SHC4: variants seen among roughly 807,000 people sequenced by gnomAD.
SHC4 encodes SHC-transforming protein 4.
SHC4 carries 41 observed loss-of-function variants against 69.4 expected under a neutral mutation model. That is an observed-to-expected ratio of 0.59 (90% CI 0.46 to 0.77). SHC4 has a LOEUF of 0.77. Ranked by LOEUF, SHC4 falls within the 30% of genes least tolerant of loss-of-function variation. The pLI, the probability that SHC4 is intolerant of heterozygous loss-of-function variation, is 0.00. For synonymous variants in SHC4, 318 were observed against 299.3 expected (o/e 1.06, Z -0.64); for missense variants, 777 against 783.8 (o/e 0.99, Z 0.10).
chr15:48,926,921 G>T (rs1412876394), intron 1 of SHC4, among the ~76,000 whole-genome samples: 1 of 151,968 alleles, frequency 6.6e-6, no homozygotes, highest in Non-Finnish European at 1.5e-5. Flanking sequence ...CTCCTCTTGG[G>T]ATCTCTAGTA....
intron 2 of SHC4, among the ~76,000 whole-genome samples, chr15:48,912,926 T>C (rs1900535434): frequency 6.7e-6 from 1 of 148,370 alleles, no homozygotes; most frequent in South Asian, 2.2e-4. Flanking sequence ...CTGCACAGAG[T>C]CCTGCGATGT....
intron 4 of SHC4, chr15:48,878,759 G>A (rs1194140837): frequency 6.3e-7 from 1 of 1,592,994 alleles, no homozygotes; most frequent in African/African-American, 1.3e-5. Context: ...TGTTAAAAGA[G>A]GAGGAAACTA....
chr15:48,883,315 T>C (rs1899977778), intron 4 of SHC4, among the ~76,000 whole-genome samples: 1 of 152,176 alleles, frequency 6.6e-6, no homozygotes. Flanking sequence ...ATAAGTACCA[T>C]AATCCTCATT....
chr15:48,950,470 T>C (rs1015944365), intron 1 of SHC4, among the ~76,000 whole-genome samples: 1 of 152,102 alleles, frequency 6.6e-6, no homozygotes, highest in Non-Finnish European at 1.5e-5. Flanking sequence ...CCTTGTATTA[T>C]GATTATTGAT....
intron 10 of SHC4, among the ~76,000 whole-genome samples, chr15:48,837,186 A>G (rs1401327906): frequency 6.6e-6 from 1 of 152,238 alleles, no homozygotes; most frequent in Non-Finnish European, 1.5e-5. Flanking sequence ...AAGAGACATT[A>G]TATCATCTTG....
chr15:48,852,549 T>C (rs570369085), intron 8 of SHC4, among the ~76,000 whole-genome samples: 1 of 152,166 alleles, frequency 6.6e-6, no homozygotes, highest in East Asian at 1.9e-4. Context: ...CAACTAGAGA[T>C]GCAGAAAGAG....
chr15:48,919,362 G>A (rs1186910672), intron 2 of SHC4, among the ~76,000 whole-genome samples: 1 of 134,482 alleles, frequency 7.4e-6, no homozygotes, highest in Non-Finnish European at 1.6e-5. Flanking sequence ...GTGCAGTGGT[G>A]TGGTCACAAT....
At chr15:48,898,340 A>G (rs1900260614) in intron 2 of SHC4, among the ~76,000 whole-genome samples, 1 of 152,208 alleles carries the variant, frequency 6.6e-6, no homozygotes, top group Admixed American at 6.5e-5. Context: ...GCTTTGTGCT[A>G]TTATCAAGGG....
At chr15:48,954,138 T>C (rs1238236427) in intron 1 of SHC4, among the ~76,000 whole-genome samples, 1 of 152,216 alleles carries the variant, frequency 6.6e-6, no homozygotes, top group East Asian at 1.9e-4. Context: ...CTCACAATTC[T>C]GTGTTGTGGG....
chr15:48,867,879 A>C lies in SHC4; in HGVS notation c.895-10T>G, dbSNP rs1008663826. 1.9e-6 allele frequency: 3 copies of C among 1,609,470 alleles called. No individual in the cohort carries two copies. In the Admixed American group the frequency reaches 5.0e-5, roughly 27 times the overall value. On this transcript the variant is annotated splice_polypyrimidine_tract_variant and intron_variant, in intron 5 of 11. Coordinates refer to ENST00000332408, the MANE Select transcript of SHC4 (RefSeq NM_203349.4). Reference sequence around the variant, plus strand: ...CATAGTCTGTAGTATCCTATAAAAAAGGGAAAATGACTGTATTTAAAATGG... The same window carrying C: ...CATAGTCTGTAGTATCCTATAAAAACGGGAAAATGACTGTATTTAAAATGG...
intron 8 of SHC4, among the ~76,000 whole-genome samples, chr15:48,851,569 A>G (rs1899215439): frequency 6.6e-6 from 1 of 152,042 alleles, no homozygotes. Context: ...CCAGAAAGTG[A>G]TTTTCAGGAC....
chr15:48,901,245 C>A (rs1900314006), intron 2 of SHC4, among the ~76,000 whole-genome samples: 1 of 152,192 alleles, frequency 6.6e-6, no homozygotes, highest in Non-Finnish European at 1.5e-5. Flanking sequence ...TGCTCTAAAG[C>A]AAACCGGAAA....
intron 2 of SHC4, among the ~76,000 whole-genome samples, chr15:48,899,214 C>G (rs1028339025): frequency 5.3e-5 from 8 of 152,172 alleles, no homozygotes; most frequent in Admixed American, 3.9e-4. Context: ...CACCTGTAAT[C>G]TTTGTACTTT....
intron 2 of SHC4, among the ~76,000 whole-genome samples, chr15:48,920,550 C>T (rs145564028): frequency 0.011 from 1,632 of 152,216 alleles, 29 homozygotes; most frequent in African/African-American, 0.037. Flanking sequence ...GCTGGGATTA[C>T]AGGCATGAGC....
chr15:48,925,958 T>C (rs1319220567), intron 1 of SHC4, among the ~76,000 whole-genome samples: 1 of 152,176 alleles, frequency 6.6e-6, no homozygotes, highest in East Asian at 1.9e-4. Context: ...GAGTCAAGGA[T>C]GACTCACTCA....
Position 48,890,718 on chromosome 15 carries a change from CAT to C in SHC4, c.720+28_720+29del, listed in dbSNP as rs747544472. On this transcript the variant is annotated intron_variant, in intron 3 of 11. Transcript: ENST00000332408. The stretch of plus-strand genomic sequence containing the variant: ...ACTATCTTTGCCATAATTAGGGAAA[CAT>C]AAACAAGAAAACCACATCATCATTT... The C allele has an allele frequency of 1.8e-4, 294 of 1,613,092 alleles. 1 individual carries two copies. The highest frequency in any genetic ancestry group is 3.2e-4 in the Admixed American group (19 of 59,986).
chr15:48,835,398 T>G (rs1898880648), intron 10 of SHC4, among the ~76,000 whole-genome samples: 1 of 152,186 alleles, frequency 6.6e-6, no homozygotes. Context: ...TACAAATAAT[T>G]TCTACAATGT....
chr15:48,954,778 C>CCG (rs1165456968), intron 1 of SHC4, among the ~76,000 whole-genome samples: 22 of 152,324 alleles, frequency 1.4e-4, no homozygotes, highest in South Asian at 4.1e-4. Flanking sequence ...GGCCCAGAGG[C>CCG]ACCCCCTAGG....
At chr15:48,868,436 A>T (rs1899603573) in intron 5 of SHC4, among the ~76,000 whole-genome samples, 1 of 152,228 alleles carries the variant, frequency 6.6e-6, no homozygotes, top group African/African-American at 2.4e-5. Context: ...AAGAAAAATC[A>T]TTTTAAAAAA....
Sources: allele counts gnomAD v4.1 joint callset (sites outside exome capture counted in the v4.1 genomes callset), GRCh38; gene constraint gnomAD v4.1.1; transcripts MANE v1.5; gene names NCBI Gene and HGNC (gene_info 2026-07-23, HGNC 2026-07-21).